The following FYN variants were observed in gnomAD, a reference collection of about 807,000 sequenced individuals.
FYN encodes the protein FYN proto-oncogene, Src family tyrosine kinase.
A neutral mutation model predicts 70.2 loss-of-function variants in FYN; 10 were observed. That is an observed-to-expected ratio of 0.14 (90% confidence interval 0.09 to 0.24). FYN has a LOEUF of 0.24. Among genes scored for constraint, FYN ranks in the 10% least tolerant of loss-of-function variants. FYN has a pLI of 1.00. For synonymous variants in FYN, 236 were observed against 248.6 expected (o/e 0.95, Z 0.48); for missense variants, 319 against 673.1 (o/e 0.47, Z 5.82).
Position 111,660,492 on chromosome 6 carries a change from T to C in FYN, c.*1247A>G, listed in dbSNP as rs1797697428. 1 of 152,230 alleles carries C rather than the reference T, an allele frequency of 6.6e-6. No homozygotes were observed. Among genetic ancestry groups the C allele is most frequent in the South Asian group, 2.1e-4 (1 of 4,830 alleles). 9.4% of individuals were successfully genotyped at this position (152,230 alleles called of 1,614,324 possible). On this transcript the variant is annotated 3_prime_UTR_variant, in exon 14 of 14. Coordinates refer to ENST00000354650, the MANE Select transcript of FYN (RefSeq NM_002037.5). Reference sequence around the variant, plus strand: ...AGAAATAGGATTTTTGATTTGTTGTTGTTAAACATATGTAATTTAAGGTTG... The same window carrying C: ...AGAAATAGGATTTTTGATTTGTTGTCGTTAAACATATGTAATTTAAGGTTG...
chr6:111,777,243 G>A (rs558226218), intron 3 of FYN, among the ~76,000 whole-genome samples: 1 of 152,284 alleles, frequency 6.6e-6, no homozygotes, highest in East Asian at 1.9e-4. Flanking sequence ...TTCGCTTGGA[G>A]TTAGGGGTAA....
chr6:111,749,771 C>T (rs1301308935), intron 3 of FYN, among the ~76,000 whole-genome samples: 1 of 152,018 alleles, frequency 6.6e-6, no homozygotes, highest in Non-Finnish European at 1.5e-5. Flanking sequence ...CAGCACAATG[C>T]TAGATAAAAA....
Position 111,661,641 on chromosome 6 carries a change from G to A in FYN, c.*98C>T, listed in dbSNP as rs1797734846. ...AGTCACATGCAATCTGATCCTGGGC[G>A]GTTCCGCTGCTGGGGAGCAGCTGGC... On this transcript the variant is annotated 3_prime_UTR_variant, in exon 14 of 14. Coordinates refer to ENST00000354650, the MANE Select transcript of FYN (RefSeq NM_002037.5). This position sits in a 1 kb window ranked among gnomAD's most constrained non-coding sequence, Gnocchi z 4.0. The A allele has an allele frequency of 1.9e-5, 21 of 1,124,508 alleles. No individual in the cohort carries two copies. Among genetic ancestry groups the A allele is most frequent in the African/African-American group, 3.1e-5 (2 of 64,272 alleles). 69.7% of individuals were successfully genotyped at this position (1,124,508 alleles called of 1,614,324 possible). A position where few individuals can be genotyped will look rare whatever the true frequency, so the allele number is the denominator to read the frequency against.
intron 12 of FYN, among the ~76,000 whole-genome samples, chr6:111,692,512 G>A (rs982740411): frequency 1.4e-4 from 21 of 152,270 alleles, no homozygotes; most frequent in Non-Finnish European, 7.3e-5. Context: ...TGAATAAGGC[G>A]TGGACTAAAC....
rs966492678 is a variant in FYN, at chr6:111,873,400, G to C, written c.-555C>G. On this transcript the variant is annotated 5_prime_UTR_variant, in exon 1 of 14. Transcript: ENST00000354650. ...TCCTGACAGATGGCGCAACTGCAACGACGCGCCGCCGCCACCAGCGCGGCT... is the reference window on the plus strand; with the variant it reads ...TCCTGACAGATGGCGCAACTGCAACCACGCGCCGCCGCCACCAGCGCGGCT... 1.3e-5 allele frequency: 2 copies of C among 151,568 alleles called. No homozygotes were observed. The highest frequency in any genetic ancestry group is 4.8e-5 in the African/African-American group (2 of 41,238). 9.4% of individuals were successfully genotyped at this position (151,568 alleles called of 1,614,324 possible).
intron 12 of FYN, among the ~76,000 whole-genome samples, chr6:111,675,812 T>A (rs1031532841): frequency 6.8e-6 from 1 of 147,492 alleles, no homozygotes; most frequent in African/African-American, 2.6e-5. Flanking sequence ...TGAAATAAAA[T>A]AAAAATAAAT....
intron 3 of FYN, among the ~76,000 whole-genome samples, chr6:111,725,669 T>C (rs1333127364): frequency 6.6e-6 from 1 of 152,174 alleles, no homozygotes; most frequent in Non-Finnish European, 1.5e-5. Context: ...CCAGCCCAGC[T>C]ATGAAAAAAA....
At chr6:111,852,335 G>C (rs961869284) in intron 1 of FYN, among the ~76,000 whole-genome samples, 12 of 152,180 alleles carry the variant, frequency 7.9e-5, no homozygotes, top group Non-Finnish European at 1.6e-4. Context: ...AGTAGACTTA[G>C]AGGATGAGGG....
chr6:111,810,079 A>T (rs1250383577), intron 2 of FYN, among the ~76,000 whole-genome samples: 1 of 152,238 alleles, frequency 6.6e-6, no homozygotes, highest in Non-Finnish European at 1.5e-5. Context: ...CAAAGAGGGT[A>T]ATAAAAATTT....
In FYN at chr6:111,751,871, G is replaced by A. The variant is rs139844356; in HGVS notation, c.-12+28695C>T. On this transcript the variant is annotated intron_variant, in intron 3 of 13. Coordinates refer to ENST00000354650, the MANE Select transcript of FYN (RefSeq NM_002037.5). The stretch of plus-strand genomic sequence containing the variant: ...TGAGCTCAAGCAACCCTCTTGCCTC[G>A]GCCTCTCAAAGTGCTGGGATTACAG... Among the ~76,000 whole-genome samples, 9 of 152,052 alleles carry A rather than the reference G, an allele frequency of 5.9e-5. 1 individual carries two copies. The East Asian group carries it at 1.2e-3, about 20-fold the overall frequency.
intron 13 of FYN, among the ~76,000 whole-genome samples, chr6:111,669,645 T>C (rs535200387): frequency 6.6e-6 from 1 of 151,974 alleles, no homozygotes; most frequent in Admixed American, 6.6e-5. Context: ...GCTAGGAAAA[T>C]ATATATCCAT....
chr6:111,862,142 AT>A (rs1352340246), intron 1 of FYN, among the ~76,000 whole-genome samples: 1 of 152,174 alleles, frequency 6.6e-6, no homozygotes, highest in East Asian at 1.9e-4. Flanking sequence ...TTATTACTGT[AT>A]TCCTCCAATT....
rs935661129 is a variant in FYN at position 111,694,148 on chromosome 6, C to T, written c.1273+227G>A. Reference sequence around the variant, plus strand: ...GGACCACAGCAGCAAATACCAATACCCACCCACCCACCAAAAACCAATATC... The same window carrying T: ...GGACCACAGCAGCAAATACCAATACTCACCCACCCACCAAAAACCAATATC... On this transcript the variant is annotated intron_variant, in intron 12 of 13. Coordinates refer to ENST00000354650, the MANE Select transcript of FYN (RefSeq NM_002037.5). This position sits in a 1 kb window ranked among gnomAD's most constrained non-coding sequence, Gnocchi z 5.0. Among the ~76,000 whole-genome samples, 1 of 152,084 alleles carries T rather than the reference C, an allele frequency of 6.6e-6. No homozygotes were observed. The highest frequency in any genetic ancestry group is 1.5e-5 in the Non-Finnish European group (1 of 68,028).
intron 1 of FYN, among the ~76,000 whole-genome samples, chr6:111,848,186 A>G (rs1162619040): frequency 6.6e-6 from 1 of 152,236 alleles, no homozygotes; most frequent in Non-Finnish European, 1.5e-5. Flanking sequence ...ACACTTCTGC[A>G]GAGGCTCAGA....
intron 3 of FYN, among the ~76,000 whole-genome samples, chr6:111,769,110 C>T (rs892552171): frequency 6.6e-6 from 1 of 152,120 alleles, no homozygotes; most frequent in Non-Finnish European, 1.5e-5. Context: ...GTGAGGTTGA[C>T]ATCAAGTCAA....
chr6:111,849,339 A>T (rs576541945), intron 1 of FYN, among the ~76,000 whole-genome samples: 1 of 152,342 alleles, frequency 6.6e-6, no homozygotes, highest in Admixed American at 6.5e-5. Flanking sequence ...ACAGACAATA[A>T]ATAAAACTGA....
chr6:111,756,480 G>C (rs1802742777), intron 3 of FYN, among the ~76,000 whole-genome samples: 1 of 151,254 alleles, frequency 6.6e-6, no homozygotes, highest in South Asian at 2.1e-4. Flanking sequence ...AAATGGAAAA[G>C]CACTAGGACT....
rs559182588 is a variant in FYN, at chr6:111,740,797, A to T, written c.-11-20735T>A. Among the ~76,000 whole-genome samples, 687 of 152,262 alleles carry T rather than the reference A, an allele frequency of 4.5e-3. 3 individuals are homozygous for T. The highest frequency in any genetic ancestry group is 0.016 in the African/African-American group (652 of 41,552). On this transcript the variant is annotated intron_variant, in intron 3 of 13. Coordinates refer to ENST00000354650, the MANE Select transcript of FYN (RefSeq NM_002037.5). ...TTTGCCTGAAATGCTCTTCCCCAAA[A>T]TACTCACACAGCTGGCTCCTTCTCA...
intron 13 of FYN, 136 bp downstream of exon 13, chr6:111,674,363 C>T (rs766784474): frequency 9.7e-6 from 9 of 929,250 alleles, no homozygotes; most frequent in Non-Finnish European, 1.4e-5. Context: ...CGCTGAATAC[C>T]TGGCCATGTT....
Sources: allele counts gnomAD v4.1 joint callset (sites outside exome capture counted in the v4.1 genomes callset), GRCh38; gene constraint gnomAD v4.1.1; non-coding constraint Gnocchi (gnomAD v3.1); transcripts MANE v1.5; gene names NCBI Gene and HGNC (gene_info 2026-07-23, HGNC 2026-07-21).